The following EML1 variants were observed in gnomAD, a reference collection of about 807,000 sequenced individuals.
EML1 encodes the protein echinoderm microtubule-associated protein-like 1.
In EML1, 27 loss-of-function variants were observed where a neutral mutation model predicts 110.4. The ratio of observed to expected loss-of-function variants is 0.24; its 90% CI spans 0.18 to 0.34. EML1 has a LOEUF of 0.34. Among genes scored for constraint, EML1 ranks in the 10% least tolerant of loss-of-function variants. EML1 has a pLI of 1.00. For synonymous variants in EML1, 344 were observed against 385.8 expected, an observed-to-expected ratio of 0.89 and a Z score of 1.27; for missense variants, 741 against 1,030.9, an observed-to-expected ratio of 0.72 and a Z score of 3.85.
At chr14:99,845,493 T>A (rs1389851239) in intron 1 of EML1, among the ~76,000 whole-genome samples, 1 of 152,186 alleles carries the variant, frequency 6.6e-6, no homozygotes, top group African/African-American at 2.4e-5. Context: ...GGATTCTACA[T>A]TGGGAGCATA....
chr14:99,870,059 C>T (rs1328476259), intron 3 of EML1, among the ~76,000 whole-genome samples: 3 of 152,196 alleles, frequency 2.0e-5, no homozygotes, highest in South Asian at 2.1e-4. Context: ...TTGTTCCAAA[C>T]AGTTAGCCAA....
chr14:99,859,931 T>G (rs970296093), intron 2 of EML1, among the ~76,000 whole-genome samples: 3 of 152,240 alleles, frequency 2.0e-5, no homozygotes, highest in Non-Finnish European at 4.4e-5. Context: ...GTCTACTATG[T>G]GCCGGGCACT....
intron 3 of EML1, among the ~76,000 whole-genome samples, chr14:99,872,968 G>A (rs2059230321): frequency 6.6e-6 from 1 of 152,170 alleles, no homozygotes; most frequent in Non-Finnish European, 1.5e-5. Flanking sequence ...GTTCCCAGCG[G>A]TTGTGCTTTG....
At chr14:99,787,557 G>A (rs2057615064) in intron 1 of EML1, among the ~76,000 whole-genome samples, 1 of 152,054 alleles carries the variant, frequency 6.6e-6, no homozygotes, top group Non-Finnish European at 1.5e-5. Context: ...GGTATTCCAG[G>A]CGTGAGCCAC....
At chr14:99,811,424 C>G (rs916234092) in intron 1 of EML1, among the ~76,000 whole-genome samples, 3 of 149,944 alleles carry the variant, frequency 2.0e-5, no homozygotes, top group African/African-American at 7.3e-5. Context: ...ATAATACAAG[C>G]AGTCGATTAA....
At chr14:99,768,724 T>C (rs115646457), upstream of EML1, among the ~76,000 whole-genome samples, 1,218 of 151,420 alleles carry the variant, frequency 8.0e-3, 16 homozygotes, top group African/African-American at 0.029. Flanking sequence ...GGTCTTTTTT[T>C]TTTTTTTTTT....
rs2060003180 is a variant in EML1 at position 99,914,644 on chromosome 14, G to A, written c.1699G>A (p.Ala567Thr). 1 of 1,612,876 alleles carries A rather than the reference G, an allele frequency of 6.2e-7. No homozygotes were observed. Among genetic ancestry groups the A allele is most frequent in the Admixed American group, 1.7e-5 (1 of 59,556 alleles). ...CTTGACCTGTGGGCATGACAAGCAT[G>A]CCACTCTCTGGGACGCTGTGGGTCA... Reference protein sequence around the residue: ...QFLTCGHDKHATLWDAVGHRP... With the variant: ...QFLTCGHDKHTTLWDAVGHRP... The change falls in exon 15 of 22, where the codon GCC becomes ACC. Residue 567 changes from alanine to threonine, a missense_variant. This residue lies in a region of EML1 where 388 missense variants were observed against 605.6 expected (regional missense o/e 0.64). Transcript: ENST00000262233.
chr14:99,900,904 G>A (rs746298668), intron 8 of EML1, 25 bp from the exon 9 acceptor site: 2 of 1,593,712 alleles, frequency 1.3e-6, no homozygotes, highest in Non-Finnish European at 1.7e-6. Context: ...CACAATTGAT[G>A]GCTCTGTGTT....
In EML1 at chr14:99,937,869, T is replaced by G; in HGVS notation, c.2148T>G (p.Ile716Met). 6.2e-7 allele frequency: 1 copy of G among 1,614,170 alleles called. No individual in the cohort carries two copies. Among genetic ancestry groups the G allele is most frequent in the Non-Finnish European group, 8.5e-7 (1 of 1,179,986 alleles). Residue 716 changes from isoleucine (I) to methionine (M), a missense_variant, in exon 20 of 22, where the codon ATT becomes ATG. This residue lies in a region of EML1 where 388 missense variants were observed against 605.6 expected (regional missense o/e 0.64). Transcript: ENST00000262233. ...QVVSVETTRD[I>M]EWATYTCTLG... Reference sequence around the variant, plus strand: ...TAAGTGTGGAAACTACAAGAGACATTGAATGGGCTACCTATACCTGCACTT... The same window carrying G: ...TAAGTGTGGAAACTACAAGAGACATGGAATGGGCTACCTATACCTGCACTT...
At chr14:99,914,479 A>G in intron 14 of EML1, 87 bp from the exon 15 acceptor site, 2 of 1,534,702 alleles carry the variant, frequency 1.3e-6, no homozygotes, top group Non-Finnish European at 1.7e-6. Context: ...TGAAGTCAGC[A>G]TGAAGCCTCG....
At chr14:99,752,882 A>G (rs1455792555) in intron 1 of EML1, among the ~76,000 whole-genome samples, 1 of 152,200 alleles carries the variant, frequency 6.6e-6, no homozygotes, top group African/African-American at 2.4e-5. Flanking sequence ...TGAAACCTGA[A>G]TAAGGAAACA....
chr14:99,769,568 T>C (rs576573908), upstream of EML1, among the ~76,000 whole-genome samples: 7 of 152,346 alleles, frequency 4.6e-5, no homozygotes, highest in South Asian at 1.4e-3. Context: ...TTTGTCAATC[T>C]GATATCACTT....
At chr14:99,818,828 CCTG>C (rs1446586131) in intron 1 of EML1, among the ~76,000 whole-genome samples, 1 of 152,136 alleles carries the variant, frequency 6.6e-6, no homozygotes, top group African/African-American at 2.4e-5. Flanking sequence ...AGGAGGGAAA[CCTG>C]AGGCCTGGAT....
In EML1 at chr14:99,850,981, C is replaced by T; in HGVS notation, c.196C>T (p.Leu66=). ...KSALADVVRR[L]NITEEQQAVL... ...AGCTCTAGCTGATGTGGTTCGGCGGCTGAACATTACTGAGGAACAGCAGGC... is the reference window on the plus strand; with the variant it reads ...AGCTCTAGCTGATGTGGTTCGGCGGTTGAACATTACTGAGGAACAGCAGGC... Residue 66 remains leucine, a synonymous_variant, in exon 2 of 22, where the codon CTG becomes TTG. Transcript: ENST00000262233. 6.2e-7 allele frequency: 1 copy of T among 1,614,160 alleles called. No individual in the cohort carries two copies. Among genetic ancestry groups the T allele is most frequent in the South Asian group, 1.1e-5 (1 of 91,076 alleles).
At chr14:99,775,983 C>T (rs555700953) in intron 1 of EML1, among the ~76,000 whole-genome samples, 2 of 152,266 alleles carry the variant, frequency 1.3e-5, no homozygotes, top group East Asian at 3.9e-4. Flanking sequence ...TGTTTATATT[C>T]TTCCAGCTAA....
chr14:99,865,766 AG>A, intron 3 of EML1, 120 bp downstream of exon 3: 1 of 1,289,500 alleles, frequency 7.8e-7, no homozygotes, highest in Non-Finnish European at 1.0e-6. Context: ...AGCTTATAAA[AG>A]TCCAACATTT....
At chr14:99,838,377 T>C (rs996088681) in intron 1 of EML1, among the ~76,000 whole-genome samples, 1 of 152,210 alleles carries the variant, frequency 6.6e-6, no homozygotes, top group South Asian at 2.1e-4. Context: ...TTAGATACTT[T>C]TTGTTAAGTC....
chr14:99,824,751 G>A (rs1434152371), intron 1 of EML1, among the ~76,000 whole-genome samples: 1 of 151,742 alleles, frequency 6.6e-6, no homozygotes, highest in Non-Finnish European at 1.5e-5. Context: ...AGCACAATAG[G>A]CGATTTTCAA....
At chr14:99,741,257 T>C (rs2057038850) in intron 1 of EML1, among the ~76,000 whole-genome samples, 1 of 152,202 alleles carries the variant, frequency 6.6e-6, no homozygotes, top group Non-Finnish European at 1.5e-5. Context: ...TCTCCTCCTG[T>C]GTAACCTTCC....
Sources: allele counts gnomAD v4.1 joint callset (sites outside exome capture counted in the v4.1 genomes callset), GRCh38; gene constraint gnomAD v4.1.1; regional missense constraint gnomAD v4.1.1; transcripts MANE v1.5; gene names NCBI Gene and HGNC (gene_info 2026-07-23, HGNC 2026-07-21).